Variants in LRP1 observed in about 807,000 individuals in gnomAD.
LRP1 encodes prolow-density lipoprotein receptor-related protein 1.
Under a neutral mutation model 541.5 loss-of-function variants are expected in LRP1, and 51 were observed. The ratio of observed to expected loss-of-function variants is 0.09; its 90% CI spans 0.08 to 0.12. The LOEUF is 0.12. LRP1 is among the 10% of genes least tolerant of loss of function. The pLI is 1.00. For synonymous variants in LRP1, 2,219 were observed against 2,470.8 expected (o/e 0.90, Z 3.02); for missense variants, 3,878 against 6,376.2 (o/e 0.61, Z 13.34).
intron 6 of LRP1, among the ~76,000 whole-genome samples, chr12:57,147,988 G>A (rs2035448165): frequency 6.6e-6 from 1 of 152,280 alleles, no homozygotes; most frequent in Middle Eastern, 3.4e-3. Flanking sequence ...CTGGCCCAGT[G>A]GTTTGGGGAG....
At position 57,208,739 on chromosome 12, in the gene LRP1, C is replaced by A; in HGVS notation, c.12067C>A (p.His4023Asn). The A allele has an allele frequency of 1.2e-6, 2 of 1,613,858 alleles. No individual in the cohort carries two copies. The highest frequency in any genetic ancestry group is 1.7e-6 in the Non-Finnish European group (2 of 1,179,786). ...GTMYWSDWGN[H>N]PKIETAAMDG... ...CATGTACTGGTCAGACTGGGGCAAC[C>A]ACCCCAAGATTGAGACGGCAGCGAT... is the stretch of plus-strand genomic sequence containing the variant. The change falls in exon 78 of 89, where the codon CAC becomes AAC. Residue 4023 changes from histidine (H) to asparagine (N), a missense_variant. This residue lies in a region of LRP1 where 871 missense variants were observed against 1,212.4 expected (regional missense o/e 0.72). Transcript: ENST00000243077.
intron 64 of LRP1, 51 bp downstream of exon 64, chr12:57,200,866 C>T: frequency 6.3e-7 from 1 of 1,577,504 alleles, no homozygotes; most frequent in African/African-American, 1.4e-5. Context: ...CTTCCCTGCC[C>T]CAGGATTTGG....
In LRP1 at chr12:57,185,637, C is replaced by T. The variant is rs1800138; in HGVS notation, c.6570C>T (p.Asp2190=). ...GTGCCCACGGGATGCTGGCTGAAGA[C>T]GGAGCATCGTGCCGCGAGTATGCCG... is the stretch of plus-strand genomic sequence containing the variant. The part of the protein sequence containing the change: ...CACAHGMLAE[D]GASCREYAGY... Residue 2190 remains aspartate (D), a synonymous_variant, in exon 41 of 89, where the codon GAC becomes GAT. Transcript: ENST00000243077. This position sits in a 1 kb window ranked among gnomAD's most constrained non-coding sequence, Gnocchi z 4.9. 16,090 of 1,612,166 alleles carry T rather than the reference C, an allele frequency of 1.0e-2. 101 individuals are homozygous for T. Among genetic ancestry groups the T allele is most frequent in the Middle Eastern group, 0.018 (110 of 6,062 alleles).
rs1409482387 is a variant in LRP1, at chr12:57,141,413, A to C, written c.230A>C (p.His77Pro). ...GCCCAGCGATGCCAGCCAAACGAGC[A>C]TAACTGCCTGGGTACTGAGCTGTGT... Reference protein sequence around the residue: ...SKAQRCQPNEHNCLGTELCVP... With the variant: ...SKAQRCQPNEPNCLGTELCVP... The change falls in exon 3 of 89, where the codon CAT (histidine) becomes CCT (proline). Residue 77 changes from histidine (H) to proline (P), a missense_variant. Around this residue, in one of 13 missense-constraint regions of LRP1, gnomAD observed 293 missense variants for 403.7 expected, o/e 0.73. Coordinates refer to ENST00000243077, the MANE Select transcript of LRP1 (RefSeq NM_002332.3). The C allele has an allele frequency of 6.2e-7, 1 of 1,614,068 alleles. No homozygotes were observed. The highest frequency in any genetic ancestry group is 8.5e-7 in the Non-Finnish European group (1 of 1,180,034).
intron 22 of LRP1, 106 bp from the exon 23 acceptor site, chr12:57,175,354 A>G: frequency 7.3e-7 from 1 of 1,365,280 alleles, no homozygotes; most frequent in Admixed American, 1.8e-5. Flanking sequence ...GGCAGGGCAC[A>G]AGGACTTGGT....
intron 1 of LRP1, among the ~76,000 whole-genome samples, chr12:57,130,222 T>C (rs1472595097): frequency 1.3e-5 from 2 of 152,162 alleles, no homozygotes; most frequent in Admixed American, 1.3e-4. Context: ...AAAACTGGGC[T>C]GGATACCATC....
Position 57,194,559 on chromosome 12 carries a change from A to G in LRP1, c.8069-18A>G. On this transcript the variant is annotated intron_variant, in intron 49 of 88. Transcript: ENST00000243077. ...GGCCTGCGGTGAGCAGGGCCCTCAC[A>G]CCTGCCTCGCCCCCCAGGTGTGAAA... 2 of 1,612,500 alleles carry G rather than the reference A, an allele frequency of 1.2e-6. No homozygotes were observed. The highest frequency in any genetic ancestry group is 1.7e-6 in the Non-Finnish European group (2 of 1,179,828).
chr12:57,163,018 A>C, intron 15 of LRP1, 35 bp downstream of exon 15: 1 of 1,578,768 alleles, frequency 6.3e-7, no homozygotes, highest in Non-Finnish European at 8.6e-7. Context: ...AGTGGGAAGC[A>C]GACCCCATCA....
chr12:57,202,761 G>C, intron 68 of LRP1: 1 of 596,480 alleles, frequency 1.7e-6, no homozygotes, highest in Non-Finnish European at 3.0e-6. Flanking sequence ...CGGGGTTGCA[G>C]AGGTAGGTGT....
At chr12:57,188,852 G>T (rs953327010) in intron 42 of LRP1, among the ~76,000 whole-genome samples, 6 of 152,228 alleles carry the variant, frequency 3.9e-5, no homozygotes, top group African/African-American at 1.4e-4. Context: ...ATGTTAGCCA[G>T]CGTCTGAGGA....
rs772462663 is a variant in LRP1, at chr12:57,203,525, C to T, written c.10951+4C>T. 28 of 1,527,342 alleles carry T rather than the reference C, an allele frequency of 1.8e-5. No individual in the cohort carries two copies. The highest frequency in any genetic ancestry group is 2.4e-5 in the Non-Finnish European group (27 of 1,132,058). The allele number at this position is 1,527,342 out of a possible 1,614,324, so 94.6% of individuals were successfully genotyped here. ...GAGGAGGCCTGCGGCACTGGCGGTG[C>T]GCCCCTTGGCTTGGTCTCCCTGGGT... is the stretch of plus-strand genomic sequence containing the variant. On this transcript the variant is annotated splice_donor_region_variant and intron_variant, in intron 70 of 88. Coordinates refer to ENST00000243077, the MANE Select transcript of LRP1 (RefSeq NM_002332.3).
rs747454153 is a variant in LRP1 at position 57,211,904 on chromosome 12, A to T, written c.13259-23A>T. ...CTGCTTCCCTGAGCCTTGGTGACTCAGTGTCCCACCTCTTCCCTCCAGATA... is the reference window on the plus strand; with the variant it reads ...CTGCTTCCCTGAGCCTTGGTGACTCTGTGTCCCACCTCTTCCCTCCAGATA... On this transcript the variant is annotated intron_variant, in intron 86 of 88. Coordinates refer to ENST00000243077, the MANE Select transcript of LRP1 (RefSeq NM_002332.3). The surrounding 1 kb of genome is among the most constrained non-coding windows in gnomAD (Gnocchi z 4.3). 4 of 1,613,566 alleles carry T rather than the reference A, an allele frequency of 2.5e-6. No individual in the cohort carries two copies. The African/African-American group carries it at 5.3e-5, about 22-fold the overall frequency.
Position 57,190,902 on chromosome 12 carries a change from C to T in LRP1, c.7129C>T (p.Arg2377Cys). 1 of 1,613,798 alleles carries T rather than the reference C, an allele frequency of 6.2e-7. No individual in the cohort carries two copies. Among genetic ancestry groups the T allele is most frequent in the Non-Finnish European group, 8.5e-7 (1 of 1,179,950 alleles). The change falls in exon 43 of 89, where the codon CGT (arginine) becomes TGT (cysteine). Residue 2377 changes from arginine to cysteine, a missense_variant. Physicochemically the swap from Arg to Cys is radical, Grantham distance 180 (BLOSUM62 -3). Transcript: ENST00000243077. ...CCTGACCCTTATCGAGAAGGACATC[C>T]GTACCCCCAATGGCCTGGCCATCGA... is the stretch of plus-strand genomic sequence containing the variant. ...NVLTLIEKDI[R>C]TPNGLAIDHR...
At chr12:57,136,918 A>G (rs1230658039) in intron 1 of LRP1, among the ~76,000 whole-genome samples, 1 of 152,226 alleles carries the variant, frequency 6.6e-6, no homozygotes, top group East Asian at 1.9e-4. Flanking sequence ...GCTTTACCAC[A>G]GTTCCTGGCA....
At position 57,183,321 on chromosome 12, in the gene LRP1, G is replaced by A. The variant is rs2036205125; in HGVS notation, c.5663-58G>A. 6.4e-7 allele frequency: 1 copy of A among 1,560,574 alleles called. No homozygotes were observed. Among genetic ancestry groups the A allele is most frequent in the African/African-American group, 1.4e-5 (1 of 73,632 alleles). On this transcript the variant is annotated intron_variant, in intron 34 of 88. Transcript: ENST00000243077. This position sits in a 1 kb window ranked among gnomAD's most constrained non-coding sequence, Gnocchi z 6.1. ...GCAGAGAACAGTTGGAGGGTGACAG[G>A]AACCAAGTTTAAGGGAGTGTTGGCG...
At position 57,189,822 on chromosome 12, in the gene LRP1, A is replaced by G. The variant is rs2036340712; in HGVS notation, c.7032-983A>G. On this transcript the variant is annotated intron_variant, in intron 42 of 88. Transcript: ENST00000243077. The surrounding 1 kb of genome is among the most constrained non-coding windows in gnomAD (Gnocchi z 4.4). ...CTGTGCCTAAGGATCGCCTAGGAGC[A>G]AGAGAATGTGGAGTCCCCTGCCCCG... is the stretch of plus-strand genomic sequence containing the variant. Among the ~76,000 whole-genome samples the G allele has an allele frequency of 6.6e-6, 1 of 152,062 alleles. No individual in the cohort carries two copies. The highest frequency in any genetic ancestry group is 2.4e-5 in the African/African-American group (1 of 41,384).
chr12:57,134,730 A>G (rs2035118682), intron 1 of LRP1, among the ~76,000 whole-genome samples: 1 of 151,040 alleles, frequency 6.6e-6, no homozygotes, highest in Non-Finnish European at 1.5e-5. Context: ...TTTGAGATGG[A>G]ATCTCGCTCT....
At chr12:57,148,388 C>T (rs2035457751) in intron 6 of LRP1, among the ~76,000 whole-genome samples, 1 of 152,064 alleles carries the variant, frequency 6.6e-6, no homozygotes, top group Non-Finnish European at 1.5e-5. Context: ...AAAATTGAGG[C>T]CCAGAGGGAT....
chr12:57,132,781 C>T (rs553520291), intron 1 of LRP1, among the ~76,000 whole-genome samples: 8 of 152,312 alleles, frequency 5.3e-5, no homozygotes, highest in African/African-American at 1.9e-4. Flanking sequence ...TGCCTGTCTC[C>T]ATTTACCCCC....
Sources: gnomAD v4.1 joint callset for allele counts (sites outside exome capture counted in the v4.1 genomes callset) on GRCh38, gnomAD v4.1.1 for gene constraint, gnomAD v4.1.1 regional missense constraint, Gnocchi (gnomAD v3.1) non-coding constraint, MANE v1.5 for transcripts, NCBI Gene and HGNC (gene_info 2026-07-23, HGNC 2026-07-21) for gene names.